The following GABRA2 variants were observed in gnomAD, a reference collection of about 807,000 sequenced individuals.
The protein encoded by GABRA2 is gamma-aminobutyric acid receptor subunit alpha-2.
A neutral mutation model predicts 48.7 loss-of-function variants in GABRA2; 16 were observed. The observed-to-expected ratio is 0.33, with a 90% CI of 0.22 to 0.50. GABRA2 has a LOEUF of 0.50. GABRA2 is among the 20% of genes least tolerant of loss of function. The probability of loss-of-function intolerance (pLI) is 0.98; values close to 1 mark genes in which losing one functional copy is unlikely to be tolerated. For synonymous variants in GABRA2, 185 were observed against 184.5 expected (o/e 1.00, Z -0.02); for missense variants, 275 against 535.6 (o/e 0.51, Z 4.80).
chr4:46,356,166 G>A (rs778604599), intron 3 of GABRA2, among the ~76,000 whole-genome samples: 6 of 152,142 alleles, frequency 3.9e-5, no homozygotes, highest in Non-Finnish European at 5.9e-5. Context: ...TTGCCCCATT[G>A]TGCTCCTCAG....
rs144054957 is a variant in GABRA2, at chr4:46,361,309, C to A, written c.187+24765G>T. On this transcript the variant is annotated intron_variant, in intron 3 of 9. Coordinates refer to ENST00000381620, the MANE Select transcript of GABRA2 (RefSeq NM_000807.4). Reference sequence around the variant, plus strand: ...CTGTGTGCAGTATAGGGACTTGGTGCCCTGCATCCCAGTTGATCCAGCTGT... The same window carrying A: ...CTGTGTGCAGTATAGGGACTTGGTGACCTGCATCCCAGTTGATCCAGCTGT... 5.4e-3 allele frequency among the ~76,000 whole-genome samples: 818 copies of A among 152,236 alleles called. 4 individuals are homozygous for A. The highest frequency in any genetic ancestry group is 8.1e-3 in the Admixed American group (124 of 15,292).
At chr4:46,266,170 C>A (rs557878868) in intron 8 of GABRA2, among the ~76,000 whole-genome samples, 7 of 151,196 alleles carry the variant, frequency 4.6e-5, no homozygotes, top group African/African-American at 1.7e-4. Context: ...GTCTAGTTGG[C>A]GTATTCTCTA....
chr4:46,340,586 G>A (rs1219185751), intron 3 of GABRA2, among the ~76,000 whole-genome samples: 1 of 151,794 alleles, frequency 6.6e-6, no homozygotes, highest in Non-Finnish European at 1.5e-5. Context: ...CCCTTTTTCT[G>A]TTGATATTGG....
At chr4:46,313,555 G>T (rs1351421297) in intron 4 of GABRA2, among the ~76,000 whole-genome samples, 1 of 143,896 alleles carries the variant, frequency 6.9e-6, no homozygotes, top group Non-Finnish European at 1.5e-5. Context: ...TTTAACTTAC[G>T]TGAAACTCTG....
At chr4:46,354,144 C>T (rs546178628) in intron 3 of GABRA2, among the ~76,000 whole-genome samples, 7 of 152,140 alleles carry the variant, frequency 4.6e-5, no homozygotes, top group Non-Finnish European at 8.8e-5. Flanking sequence ...TAAGGTATTA[C>T]TCCTCCTCTT....
intron 3 of GABRA2, among the ~76,000 whole-genome samples, chr4:46,383,515 T>C (rs1356712044): frequency 6.6e-6 from 1 of 152,160 alleles, no homozygotes; most frequent in Non-Finnish European, 1.5e-5. Context: ...ATTTAGTTGC[T>C]GAGAAAGGAG....
intron 3 of GABRA2, among the ~76,000 whole-genome samples, chr4:46,343,297 A>G (rs982310761): frequency 2.0e-5 from 3 of 152,054 alleles, no homozygotes; most frequent in Admixed American, 6.6e-5. Flanking sequence ...AAGAACATAT[A>G]ATTTCTGGAA....
rs1180575912 is a variant in GABRA2, at chr4:46,303,283, A to G, written c.856+177T>C. On this transcript the variant is annotated intron_variant, in intron 8 of 9. Coordinates refer to ENST00000381620, the MANE Select transcript of GABRA2 (RefSeq NM_000807.4). ...GTACTTTTCTTTCCTTATATCCCTT[A>G]TTAACAGTGTAGCACTATGTTACCA... 5.0e-6 allele frequency: 3 copies of G among 604,404 alleles called. No homozygotes were observed. In the East Asian group the frequency reaches 8.4e-5, roughly 17 times the overall value. 37.4% of individuals were successfully genotyped at this position (604,404 alleles called of 1,614,324 possible). A position where few individuals can be genotyped will look rare whatever the true frequency, so the allele number is the denominator to read the frequency against.
At position 46,249,712 on chromosome 4, in the gene GABRA2, C is replaced by CATAATT. The variant is rs1714351342; in HGVS notation, c.*590_*595dup. The CATAATT allele has an allele frequency of 6.6e-6, 1 of 151,442 alleles. No individual in the cohort carries two copies. The highest frequency in any genetic ancestry group is 2.1e-4 in the South Asian group (1 of 4,826). 9.4% of individuals were successfully genotyped at this position (151,442 alleles called of 1,614,324 possible). On this transcript the variant is annotated 3_prime_UTR_variant, in exon 10 of 10. Transcript: ENST00000381620. The stretch of plus-strand genomic sequence containing the variant: ...TAATTAACATCCTTTCGGGCTGACT[C>CATAATT]ATAATTATTTGAGCTTGTCATGCTG...
rs199996713 is a variant in GABRA2 at position 46,313,116 on chromosome 4, CAAATAAATAAATAAATAAAT to C, written c.256-420_256-401del. Among the ~76,000 whole-genome samples the C allele has an allele frequency of 2.5e-4, 33 of 134,482 alleles. No individual in the cohort carries two copies. The South Asian group carries it at 8.0e-3, about 32-fold the overall frequency. 88.2% of individuals were successfully genotyped at this position (134,482 alleles called of 152,430 possible). ...AATGAGTAGGCAGCTTTCCCAGTAG[CAAATAAATAAATAAATAAAT>C]AAATAAATAAATAAATAAATAAAAT... On this transcript the variant is annotated intron_variant, in intron 4 of 9. Transcript: ENST00000381620.
In GABRA2 at chr4:46,276,504, C is replaced by T. The variant is rs186392737; in HGVS notation, c.857-14376G>A. On this transcript the variant is annotated intron_variant, in intron 8 of 9. Transcript: ENST00000381620. ...AACAGTTAACTAGGAGAATTCAAATCTAAAATTCACCTCAAGTTCTGATGG... is the reference window on the plus strand; with the variant it reads ...AACAGTTAACTAGGAGAATTCAAATTTAAAATTCACCTCAAGTTCTGATGG... Among the ~76,000 whole-genome samples, 53 of 150,966 alleles carry T rather than the reference C, an allele frequency of 3.5e-4. No homozygotes were observed. In the East Asian group the frequency reaches 9.6e-3, roughly 27 times the overall value.
intron 8 of GABRA2, among the ~76,000 whole-genome samples, chr4:46,265,960 C>T (rs1170164470): frequency 6.6e-6 from 1 of 151,902 alleles, no homozygotes; most frequent in African/African-American, 2.4e-5. Context: ...TTAATGTTTA[C>T]ATATGCAAAT....
chr4:46,381,653 T>G, intron 3 of GABRA2, among the ~76,000 whole-genome samples: 1 of 152,208 alleles, frequency 6.6e-6, no homozygotes, highest in Admixed American at 6.5e-5. Context: ...CATATACTAT[T>G]CCTGCGAGAT....
chr4:46,366,465 T>C (rs1447141821), intron 3 of GABRA2: 1 of 152,104 alleles, frequency 6.6e-6, no homozygotes, highest in Non-Finnish European at 1.5e-5. Flanking sequence ...ACCACCTTTG[T>C]TTGATTTGAG....
intron 3 of GABRA2, among the ~76,000 whole-genome samples, chr4:46,346,588 T>A (rs1327123070): frequency 6.7e-6 from 1 of 148,828 alleles, no homozygotes; most frequent in Non-Finnish European, 1.5e-5. Context: ...TTATGTATTA[T>A]ATTTATTATT....
chr4:46,382,855 T>C (rs187479495), intron 3 of GABRA2, among the ~76,000 whole-genome samples: 53 of 152,274 alleles, frequency 3.5e-4, no homozygotes, highest in African/African-American at 1.3e-3. Flanking sequence ...TATGTACTCA[T>C]TTATATCATA....
chr4:46,350,096 T>C (rs1734866756), intron 3 of GABRA2, among the ~76,000 whole-genome samples: 1 of 151,942 alleles, frequency 6.6e-6, no homozygotes, highest in Non-Finnish European at 1.5e-5. Context: ...ATTATATTCA[T>C]TTTATCATCA....
At chr4:46,376,570 A>T (rs535614787) in intron 3 of GABRA2, among the ~76,000 whole-genome samples, 2 of 152,182 alleles carry the variant, frequency 1.3e-5, no homozygotes, top group Non-Finnish European at 2.9e-5. Context: ...GATGAAAACA[A>T]AACACTAGTA....
intron 3 of GABRA2, among the ~76,000 whole-genome samples, chr4:46,349,645 G>A (rs990317361): frequency 6.6e-6 from 1 of 151,798 alleles, no homozygotes; most frequent in African/African-American, 2.4e-5. Flanking sequence ...AGCCTTGTTG[G>A]CAATAGTACA....
Sources: gnomAD v4.1 joint callset for allele counts (sites outside exome capture counted in the v4.1 genomes callset) on GRCh38, gnomAD v4.1.1 for gene constraint, MANE v1.5 for transcripts, NCBI Gene and HGNC (gene_info 2026-07-23, HGNC 2026-07-21) for gene names.